CDH13: variants seen among roughly 807,000 people sequenced by gnomAD.
The protein encoded by CDH13 is cadherin-13.
Under a neutral mutation model 63.8 loss-of-function variants are expected in CDH13, and 24 were observed. The ratio of observed to expected loss-of-function variants is 0.38; its 90% CI spans 0.27 to 0.53. The LOEUF (loss-of-function observed/expected upper bound fraction) is 0.53. CDH13 is among the 20% of genes least tolerant of loss of function. CDH13 has a pLI of 0.85. For missense variants in CDH13, 1,049 were observed against 903.1 expected, an observed-to-expected ratio of 1.16 and a Z score of -2.07; for synonymous variants, 503 against 355.3, an observed-to-expected ratio of 1.42 and a Z score of -4.67.
At chr16:83,459,388 C>G (rs1018314174) in intron 6 of CDH13, among the ~76,000 whole-genome samples, 1 of 152,174 alleles carries the variant, frequency 6.6e-6, no homozygotes, top group Non-Finnish European at 1.5e-5. Context: ...ATTGACTCTC[C>G]CATGTTTCAT....
At chr16:83,538,073 G>A (rs2075228391) in intron 7 of CDH13, among the ~76,000 whole-genome samples, 1 of 152,060 alleles carries the variant, frequency 6.6e-6, no homozygotes, top group South Asian at 2.1e-4. Context: ...AGTTGAATAT[G>A]CGCTATGTTT....
chr16:83,105,188 G>T (rs1189586367), intron 3 of CDH13, among the ~76,000 whole-genome samples: 2 of 152,118 alleles, frequency 1.3e-5, no homozygotes, highest in African/African-American at 4.8e-5. Context: ...ACTCAATCTG[G>T]GGCCTGCTTT....
At chr16:82,949,872 T>A (rs1411766900) in intron 2 of CDH13, among the ~76,000 whole-genome samples, 1 of 152,048 alleles carries the variant, frequency 6.6e-6, no homozygotes, top group Admixed American at 6.6e-5. Context: ...GGATCCTGAG[T>A]TCAAGATCCT....
At chr16:83,747,456 C>T (rs1313886283) in intron 10 of CDH13, among the ~76,000 whole-genome samples, 1 of 152,098 alleles carries the variant, frequency 6.6e-6, no homozygotes, top group African/African-American at 2.4e-5. Context: ...GCCTCCTTAG[C>T]CACATGGAAC....
Position 83,084,093 on chromosome 16 carries a change from C to A in CDH13, c.367-41292C>A, listed in dbSNP as rs916713736. Among the ~76,000 whole-genome samples the A allele has an allele frequency of 3.3e-5, 5 of 152,186 alleles. No individual in the cohort carries two copies. The East Asian group carries it at 5.8e-4, about 18-fold the overall frequency. On this transcript the variant is annotated intron_variant, in intron 3 of 13. Transcript: ENST00000567109. ...TCCTAAAATCCTAATGTGGCAAAAA[C>A]CAATTTTCAGAAGTCAATTTGGATG... is the stretch of plus-strand genomic sequence containing the variant.
chr16:83,060,668 G>A lies in CDH13; in HGVS notation c.366+28450G>A, dbSNP rs1490785385. On this transcript the variant is annotated intron_variant, in intron 3 of 13. Coordinates refer to ENST00000567109, the MANE Select transcript of CDH13 (RefSeq NM_001257.5). ...GAATCCAGAGCCTGCATGCCTAACC[G>A]CAGTGCAATGCTATCCTCACCTCAC... 3.9e-5 allele frequency among the ~76,000 whole-genome samples: 6 copies of A among 152,204 alleles called. No homozygotes were observed. In the East Asian group the frequency reaches 7.7e-4, roughly 20 times the overall value.
chr16:83,072,615 C>G (rs1354979118), intron 3 of CDH13, among the ~76,000 whole-genome samples: 1 of 152,100 alleles, frequency 6.6e-6, no homozygotes, highest in Non-Finnish European at 1.5e-5. Flanking sequence ...CTTCTTTTAC[C>G]AGCTGTGTGA....
intron 5 of CDH13, among the ~76,000 whole-genome samples, chr16:83,294,127 T>C (rs2089530809): frequency 6.6e-6 from 1 of 152,222 alleles, no homozygotes; most frequent in Non-Finnish European, 1.5e-5. Context: ...TGACATAAAA[T>C]TGTAGTTTTT....
intron 1 of CDH13, among the ~76,000 whole-genome samples, chr16:82,647,396 G>T (rs1043342918): frequency 2.6e-5 from 4 of 152,178 alleles, no homozygotes; most frequent in Non-Finnish European, 5.9e-5. Flanking sequence ...AGGAGGATTT[G>T]AGTGCAATAA....
In CDH13 at chr16:83,325,395, TTAAC is replaced by T. The variant is rs745598296; in HGVS notation, c.637-19464_637-19461del. Among the ~76,000 whole-genome samples the T allele has an allele frequency of 9.2e-5, 14 of 152,246 alleles. 1 individual carries two copies. The highest frequency in any genetic ancestry group is 1.4e-4 in the African/African-American group (6 of 41,556). Reference sequence around the variant, plus strand: ...AAGATTGACATTTCACCCCAAATCTTTAACTACTTCTTCCTTTTTCACTGAGTAA... The same window carrying T: ...AAGATTGACATTTCACCCCAAATCTTTACTTCTTCCTTTTTCACTGAGTAA... On this transcript the variant is annotated intron_variant, in intron 5 of 13. Transcript: ENST00000567109.
At chr16:83,339,387 G>A (rs1006106238) in intron 5 of CDH13, among the ~76,000 whole-genome samples, 6 of 152,122 alleles carry the variant, frequency 3.9e-5, no homozygotes, top group African/African-American at 1.2e-4. Flanking sequence ...TATTATAAAT[G>A]TAAAATAGTT....
chr16:83,509,257 T>C (rs1488042134), intron 7 of CDH13, among the ~76,000 whole-genome samples: 1 of 152,184 alleles, frequency 6.6e-6, no homozygotes, highest in Non-Finnish European at 1.5e-5. Flanking sequence ...CAGGATGATA[T>C]GTGGAACATG....
chr16:82,650,269 A>C (rs907621748), intron 1 of CDH13, among the ~76,000 whole-genome samples: 5 of 152,220 alleles, frequency 3.3e-5, no homozygotes, highest in African/African-American at 1.2e-4. Flanking sequence ...GTTAATAAAC[A>C]GAGGCTGTTC....
At chr16:83,497,538 C>G (rs8061841) in intron 7 of CDH13, among the ~76,000 whole-genome samples, 136,745 of 139,252 alleles carry the variant, frequency 0.98, 67,186 homozygotes, top group East Asian at 1. Context: ...GAAGGGATAG[C>G]ATTGGGAGAA....
intron 1 of CDH13, among the ~76,000 whole-genome samples, chr16:82,788,235 C>A (rs1567534551): frequency 6.6e-6 from 1 of 152,156 alleles, no homozygotes; most frequent in Non-Finnish European, 1.5e-5. Flanking sequence ...ATATTTTGTT[C>A]TCAAATCCAG....
chr16:83,777,574 C>T (rs573630444), intron 11 of CDH13, among the ~76,000 whole-genome samples: 112 of 152,310 alleles, frequency 7.4e-4, no homozygotes, highest in African/African-American at 2.5e-3. Flanking sequence ...CTGCAACATC[C>T]CTTCTTTCTG....
chr16:82,814,496 C>A (rs1285732487), intron 1 of CDH13, among the ~76,000 whole-genome samples: 2 of 152,068 alleles, frequency 1.3e-5, no homozygotes, highest in African/African-American at 4.8e-5. Flanking sequence ...TCCATGATAA[C>A]CCCAAAGGAC....
chr16:83,149,778 C>T (rs28753801), intron 4 of CDH13, among the ~76,000 whole-genome samples: 2,360 of 152,208 alleles, frequency 0.016, 68 homozygotes, highest in African/African-American at 0.052. Context: ...CTTGCACCAG[C>T]GGTACATATC....
chr16:83,138,138 G>T (rs988686600), intron 4 of CDH13, among the ~76,000 whole-genome samples: 2 of 152,116 alleles, frequency 1.3e-5, no homozygotes, highest in African/African-American at 4.8e-5. Flanking sequence ...GTTGCATCGG[G>T]TGGTTTGGGA....
Sources: gnomAD v4.1 joint callset for allele counts (sites outside exome capture counted in the v4.1 genomes callset) on GRCh38, gnomAD v4.1.1 for gene constraint, MANE v1.5 for transcripts, NCBI Gene and HGNC (gene_info 2026-07-23, HGNC 2026-07-21) for gene names.